Variants in KLHL29 observed in about 807,000 individuals in gnomAD.
KLHL29 encodes kelch like family member 29, also known as kelch-like protein 29.
KLHL29 carries 21 observed loss-of-function variants against 80.4 expected under a neutral mutation model. The ratio of observed to expected loss-of-function variants is 0.26; its 90% CI spans 0.19 to 0.38. The LOEUF is 0.38. KLHL29 is among the 10% of genes least tolerant of loss of function. The pLI is 1.00. For synonymous variants in KLHL29, 511 were observed against 526.8 expected (o/e 0.97, Z 0.41); for missense variants, 867 against 1,223.9 (o/e 0.71, Z 4.35).
intron 1 of KLHL29, among the ~76,000 whole-genome samples, chr2:23,461,489 G>T (rs1277489445): frequency 6.6e-6 from 1 of 152,202 alleles, no homozygotes. Context: ...TGTTGATTAG[G>T]AGTTCTCGCG....
intron 2 of KLHL29, among the ~76,000 whole-genome samples, chr2:23,541,461 C>T (rs540499560): frequency 6.6e-6 from 1 of 152,354 alleles, no homozygotes; most frequent in East Asian, 1.9e-4. Context: ...AGACCATGGG[C>T]TCCTTGAGGG....
chr2:23,524,114 C>A (rs182597106), intron 2 of KLHL29: 38 of 456,440 alleles, frequency 8.3e-5, no homozygotes, highest in Middle Eastern at 3.4e-4. Context: ...TCGTAGGTAG[C>A]GGAGATGCAA....
At chr2:23,484,115 G>A (rs534759894) in intron 2 of KLHL29, among the ~76,000 whole-genome samples, 2 of 152,232 alleles carry the variant, frequency 1.3e-5, no homozygotes, top group East Asian at 3.9e-4. Context: ...CCAGACCCAG[G>A]CTGTCACCCT....
At chr2:23,592,008 CTGCCGTGA>C (rs1668275465) in intron 3 of KLHL29, among the ~76,000 whole-genome samples, 1 of 152,266 alleles carries the variant, frequency 6.6e-6, no homozygotes, top group South Asian at 2.1e-4. Flanking sequence ...AAACAGGCAT[CTGCCGTGA>C]CTTGGAGCAC....
intron 1 of KLHL29, among the ~76,000 whole-genome samples, chr2:23,456,600 G>T (rs896387112): frequency 6.6e-6 from 1 of 152,260 alleles, no homozygotes; most frequent in African/African-American, 2.4e-5. Context: ...TCCCGCGCCA[G>T]CTCTGCGGGG....
chr2:23,524,181 G>T (rs1026740615), intron 2 of KLHL29: 13 of 387,238 alleles, frequency 3.4e-5, no homozygotes, highest in Non-Finnish European at 4.8e-5. Flanking sequence ...GACTTGCTCA[G>T]TGCTGTGCTA....
At chr2:23,603,395 A>G (rs1480648473) in intron 3 of KLHL29, among the ~76,000 whole-genome samples, 2 of 152,080 alleles carry the variant, frequency 1.3e-5, no homozygotes, top group Admixed American at 1.3e-4. Context: ...CAGCAGGAAC[A>G]GGGGCATGTC....
chr2:23,500,234 A>T (rs1050960840), intron 2 of KLHL29, among the ~76,000 whole-genome samples: 1 of 152,206 alleles, frequency 6.6e-6, no homozygotes, highest in Non-Finnish European at 1.5e-5. Context: ...GAAGGTAGGG[A>T]GTCCAGGAGG....
chr2:23,452,273 C>T (rs1663904169), intron 1 of KLHL29, among the ~76,000 whole-genome samples: 3 of 151,742 alleles, frequency 2.0e-5, no homozygotes, highest in Non-Finnish European at 4.4e-5. Context: ...CCTCCAACCG[C>T]AGTCTCCCAA....
At chr2:23,698,015 G>GTTGA (rs1672082268) in intron 11 of KLHL29, 1 of 152,194 alleles carries the variant, frequency 6.6e-6, no homozygotes, top group African/African-American at 2.4e-5. Context: ...AACTTATACT[G>GTTGA]TTGATAAATA....
At chr2:23,502,804 C>A (rs1665491779) in intron 2 of KLHL29, among the ~76,000 whole-genome samples, 1 of 152,176 alleles carries the variant, frequency 6.6e-6, no homozygotes, top group Non-Finnish European at 1.5e-5. Flanking sequence ...GCATCTGTCT[C>A]TCCAAGCACC....
At chr2:23,458,504 C>T (rs529825392) in intron 1 of KLHL29, among the ~76,000 whole-genome samples, 1 of 152,248 alleles carries the variant, frequency 6.6e-6, no homozygotes, top group Non-Finnish European at 1.5e-5. Flanking sequence ...AGGTAATCCT[C>T]TATCTACATA....
chr2:23,393,897 C>T (rs1324381522), intron 1 of KLHL29, among the ~76,000 whole-genome samples: 3 of 152,148 alleles, frequency 2.0e-5, no homozygotes, highest in Non-Finnish European at 2.9e-5. Context: ...GCTCTGCTGC[C>T]GCCCCTCCCT....
intron 1 of KLHL29, among the ~76,000 whole-genome samples, chr2:23,406,802 G>C (rs1666749067): frequency 6.6e-6 from 1 of 152,118 alleles, no homozygotes; most frequent in African/African-American, 2.4e-5. Flanking sequence ...TGTTTGCATA[G>C]AGTTCTAGAA....
intron 5 of KLHL29, among the ~76,000 whole-genome samples, chr2:23,649,648 C>T (rs776001454): frequency 2.4e-4 from 36 of 152,224 alleles, no homozygotes; most frequent in African/African-American, 8.0e-4. Context: ...CCCAAATCTC[C>T]GCTGAGCATC....
At chr2:23,656,626 A>T (rs1417386892) in intron 5 of KLHL29, among the ~76,000 whole-genome samples, 3 of 152,230 alleles carry the variant, frequency 2.0e-5, no homozygotes. Flanking sequence ...GTTCTTCCAG[A>T]CTGCACAGGT....
At chr2:23,407,638 C>G (rs556338017) in intron 1 of KLHL29, among the ~76,000 whole-genome samples, 95 of 152,112 alleles carry the variant, frequency 6.2e-4, no homozygotes, top group African/African-American at 2.2e-3. Flanking sequence ...TTTTGTTGTT[C>G]AGTGTTTCCT....
intron 1 of KLHL29, among the ~76,000 whole-genome samples, chr2:23,424,792 C>T (rs1231008133): frequency 2.6e-5 from 4 of 152,156 alleles, no homozygotes; most frequent in Admixed American, 6.5e-5. Flanking sequence ...AATCTCTCTC[C>T]GAATCTCGCT....
chr2:23,513,944 CG>C (rs1558367530), intron 2 of KLHL29, among the ~76,000 whole-genome samples: 3 of 152,144 alleles, frequency 2.0e-5, no homozygotes, highest in African/African-American at 7.2e-5. Context: ...AGCTGGCTGC[CG>C]GCAACTCTGC....
Sources: allele counts gnomAD v4.1 joint callset (sites outside exome capture counted in the v4.1 genomes callset), GRCh38; gene constraint gnomAD v4.1.1; transcripts MANE v1.5; gene names NCBI Gene and HGNC (gene_info 2026-07-23, HGNC 2026-07-21).